The following TMEM44 variants were observed in gnomAD, a reference collection of about 807,000 sequenced individuals.
The protein encoded by TMEM44 is transmembrane protein 44.
TMEM44 carries 43 observed loss-of-function variants against 47.8 expected under a neutral mutation model. That is an observed-to-expected ratio of 0.90 (90% CI 0.70 to 1.16). The LOEUF is 1.16. Ranked by LOEUF, TMEM44 falls within the 50% of genes most tolerant of loss-of-function variation. The pLI, the probability that TMEM44 is intolerant of heterozygous loss-of-function variation, is 0.00. For synonymous variants in TMEM44, 277 were observed against 238.8 expected (o/e 1.16, Z -1.48); for missense variants, 568 against 555.2 (o/e 1.02, Z -0.23).
intron 9 of TMEM44, among the ~76,000 whole-genome samples, chr3:194,599,732 G>A (rs747499926): frequency 2.6e-5 from 4 of 151,412 alleles, no homozygotes; most frequent in Admixed American, 1.3e-4. Context: ...TTACAGGCAC[G>A]TGCCACTGCG....
intron 9 of TMEM44, among the ~76,000 whole-genome samples, chr3:194,592,035 G>C (rs1712802858): frequency 6.6e-6 from 1 of 152,072 alleles, no homozygotes; most frequent in Non-Finnish European, 1.5e-5. Flanking sequence ...TGGCTAACAA[G>C]GTGAAACCCC....
chr3:194,617,159 G>T lies in TMEM44; in HGVS notation c.723C>A (p.Tyr241Ter). The change falls in exon 6 of 10, where the codon TAC becomes TAA. Residue 241 changes from tyrosine to a stop codon, truncating the protein, a stop_gained. Coordinates refer to ENST00000347147, the MANE Select transcript of TMEM44 (RefSeq NM_001011655.3). LOFTEE classifies it high-confidence loss of function. ...GGAACCAGGGTGTGGCCCGCAGCAG[G>T]TACTCAGGGTGCTGGTCGTGGGCCA... The part of the protein sequence containing the change: ...AIVAHDQHPE[Y>*]LLRATPWFLT... 6.4e-7 allele frequency: 1 copy of T among 1,558,710 alleles called. No individual in the cohort carries two copies. Among genetic ancestry groups the T allele is most frequent in the Non-Finnish European group, 8.7e-7 (1 of 1,151,968 alleles).
At position 194,588,259 on chromosome 3, in the gene TMEM44, T is replaced by G; in HGVS notation, c.*270A>C. ...AAAGGAAGAGCGGGTCTGAGATCCTTTGGATTATCTTTACGAAGCAAAAGC... is the reference window on the plus strand; with the variant it reads ...AAAGGAAGAGCGGGTCTGAGATCCTGTGGATTATCTTTACGAAGCAAAAGC... On this transcript the variant is annotated 3_prime_UTR_variant, in exon 10 of 10. Transcript: ENST00000347147. 1 of 418,258 alleles carries G rather than the reference T, an allele frequency of 2.4e-6. No homozygotes were observed. Among genetic ancestry groups the G allele is most frequent in the Non-Finnish European group, 4.3e-6 (1 of 232,870 alleles). 25.9% of individuals were successfully genotyped at this position (418,258 alleles called of 1,614,324 possible). A position where few individuals can be genotyped will look rare whatever the true frequency, so the allele number is the denominator to read the frequency against.
At position 194,615,712 on chromosome 3, in the gene TMEM44, G is replaced by A. The variant is rs948040368; in HGVS notation, c.784-15C>T. The A allele has an allele frequency of 1.9e-5, 31 of 1,613,022 alleles. No homozygotes were observed. Among genetic ancestry groups the A allele is most frequent in the African/African-American group, 8.0e-5 (6 of 74,862 alleles). On this transcript the variant is annotated splice_polypyrimidine_tract_variant and intron_variant, in intron 6 of 9. Coordinates refer to ENST00000347147, the MANE Select transcript of TMEM44 (RefSeq NM_001011655.3). ...AGGAAAATAATCTGAGATGGTGTAA[G>A]TTAAGGTAGGAAGCAGAATATTCCA...
intron 9 of TMEM44, chr3:194,588,882 G>T (rs1712209697): frequency 3.9e-6 from 2 of 512,764 alleles, no homozygotes; most frequent in South Asian, 4.6e-5. Flanking sequence ...TTTCCTTCCC[G>T]CCCTCATTCT....
intron 9 of TMEM44, among the ~76,000 whole-genome samples, chr3:194,602,553 G>A (rs569436607): frequency 6.6e-6 from 1 of 151,690 alleles, no homozygotes; most frequent in East Asian, 1.9e-4. Context: ...AGTGAGCTGA[G>A]ATCGCGTCAC....
chr3:194,612,674 C>CT (rs933034028), intron 7 of TMEM44, among the ~76,000 whole-genome samples: 73 of 151,828 alleles, frequency 4.8e-4, no homozygotes, highest in African/African-American at 1.6e-3. Context: ...TATTCAAGTC[C>CT]TTTTTTTTGA....
At chr3:194,623,075 T>C (rs1716737170) in intron 5 of TMEM44, 149 bp downstream of exon 5, 1 of 723,840 alleles carries the variant, frequency 1.4e-6, no homozygotes, top group Non-Finnish European at 2.1e-6. Context: ...CTTGCTGTCA[T>C]ACACACTAAC....
At chr3:194,632,785 G>A in intron 1 of TMEM44, 4 of 402,068 alleles carry the variant, frequency 9.9e-6, no homozygotes, top group Non-Finnish European at 1.4e-5. Context: ...AGGTCACACT[G>A]CGAGTCAATG....
At chr3:194,608,962 C>T (rs549108926) in intron 8 of TMEM44, among the ~76,000 whole-genome samples, 1 of 152,316 alleles carries the variant, frequency 6.6e-6, no homozygotes, top group South Asian at 2.1e-4. Context: ...GAGAGGATGA[C>T]AGCCAGGAGG....
Position 194,625,957 on chromosome 3 carries a change from A to C in TMEM44, c.298T>G (p.Leu100Val). Reference sequence around the variant, plus strand: ...AAGAGAATGAACATAAAGTTCACTAAGTCAATAGCTGCTAGGTAGGCACCA... The same window carrying C: ...AAGAGAATGAACATAAAGTTCACTACGTCAATAGCTGCTAGGTAGGCACCA... ...FTGAYLAAID[L>V]VNFMFILFPV... Residue 100 changes from leucine (L) to valine (V), a missense_variant, in exon 3 of 10, where the codon TTA (leucine) becomes GTA (valine). Physicochemically the swap from Leu to Val is conservative, Grantham distance 32. Transcript: ENST00000347147. 6.2e-7 allele frequency: 1 copy of C among 1,613,870 alleles called. No homozygotes were observed. Among genetic ancestry groups the C allele is most frequent in the Non-Finnish European group, 8.5e-7 (1 of 1,179,792 alleles).
intron 9 of TMEM44, among the ~76,000 whole-genome samples, chr3:194,602,585 G>C (rs1714266791): frequency 6.8e-6 from 1 of 146,438 alleles, no homozygotes; most frequent in South Asian, 2.2e-4. Flanking sequence ...CTGGGTGACA[G>C]AGCGAGAACT....
intron 7 of TMEM44, among the ~76,000 whole-genome samples, chr3:194,614,202 C>A (rs1390188914): frequency 6.6e-6 from 1 of 152,128 alleles, no homozygotes; most frequent in Non-Finnish European, 1.5e-5. Context: ...ATTGCAGTGA[C>A]CACAAACAGC....
intron 5 of TMEM44, among the ~76,000 whole-genome samples, chr3:194,617,980 C>T (rs964254630): frequency 9.9e-5 from 15 of 152,232 alleles, no homozygotes; most frequent in African/African-American, 3.6e-4. Context: ...AGTAAAAGGT[C>T]CCTGAGGCCT....
rs944877323 is a variant in TMEM44, at chr3:194,604,293, G to A, written c.1170C>T (p.Asp390=). 1.3e-6 allele frequency: 2 copies of A among 1,578,830 alleles called. No homozygotes were observed. The highest frequency in any genetic ancestry group is 1.4e-5 in the African/African-American group (1 of 74,056). The change falls in exon 9 of 10, where the codon GAC becomes GAT. Residue 390 remains aspartate (D), a synonymous_variant. Transcript: ENST00000347147. ...SSSEVSSINS[D]LEWDPEDVNL... ...GCAGGCAACAGCCGTGTACCTCCAG[G>A]TCGGAGTTGATGGAGGAGACCTCAG...
chr3:194,628,493 A>G lies in TMEM44; in HGVS notation c.154T>C (p.Cys52Arg). The G allele has an allele frequency of 6.2e-7, 1 of 1,613,366 alleles. No homozygotes were observed. The highest frequency in any genetic ancestry group is 8.5e-7 in the Non-Finnish European group (1 of 1,179,620). ...TGGTCCTGTCTGGGTTTCTGTGCAC[A>G]TCTCAGATAGAGAAGCCTGGGGTGA... ...AAHALLLYLR[C>R]AQKPRQDQSA... Residue 52 changes from cysteine to arginine, a missense_variant, in exon 2 of 10, where the codon TGT (cysteine) becomes CGT (arginine). Cys to Arg is a radical substitution (Grantham distance 180, BLOSUM62 -3). Coordinates refer to ENST00000347147, the MANE Select transcript of TMEM44 (RefSeq NM_001011655.3).
intron 5 of TMEM44, among the ~76,000 whole-genome samples, chr3:194,618,888 G>A (rs900213752): frequency 6.6e-6 from 1 of 152,232 alleles, no homozygotes; most frequent in African/African-American, 2.4e-5. Context: ...TTAACCGAGA[G>A]ACAGCACAGT....
chr3:194,607,051 C>T (rs933715261), intron 8 of TMEM44, among the ~76,000 whole-genome samples: 13 of 152,016 alleles, frequency 8.6e-5, no homozygotes, highest in Admixed American at 7.2e-4. Context: ...GTTTGTTTGG[C>T]CCCAGCGTGT....
chr3:194,629,781 G>A (rs1220927614), intron 1 of TMEM44, among the ~76,000 whole-genome samples: 25 of 39,176 alleles, frequency 6.4e-4, no homozygotes, highest in African/African-American at 3.5e-3. Context: ...GAAATAATAC[G>A]CTGTCGTACC....
Sources: gnomAD v4.1 joint callset for allele counts (sites outside exome capture counted in the v4.1 genomes callset) on GRCh38, gnomAD v4.1.1 for gene constraint, MANE v1.5 for transcripts, NCBI Gene and HGNC (gene_info 2026-07-23, HGNC 2026-07-21) for gene names.